The following PANK1 variants were observed in gnomAD, a reference collection of about 807,000 sequenced individuals.
PANK1 encodes the protein pantothenate kinase 1.
Under a neutral mutation model 40.1 loss-of-function variants are expected in PANK1, and 18 were observed. That is an observed-to-expected ratio of 0.45 (90% CI 0.31 to 0.67). PANK1 has a LOEUF of 0.67. Among genes scored for constraint, PANK1 ranks in the 30% least tolerant of loss-of-function variants. The pLI, the probability that PANK1 is intolerant of heterozygous loss-of-function variation, is 0.06. For synonymous variants in PANK1, 242 were observed against 237.7 expected (o/e 1.02, Z -0.17); for missense variants, 457 against 599.6 (o/e 0.76, Z 2.48).
chr10:89,601,581 G>C (rs182214240), intron 2 of PANK1, among the ~76,000 whole-genome samples: 136 of 152,226 alleles, frequency 8.9e-4, no homozygotes, highest in Middle Eastern at 3.4e-3. Flanking sequence ...TTACTCATTT[G>C]AATTTCTTAT....
At chr10:89,613,085 A>T (rs1289127670) in intron 1 of PANK1, among the ~76,000 whole-genome samples, 1 of 152,226 alleles carries the variant, frequency 6.6e-6, no homozygotes, top group Non-Finnish European at 1.5e-5. Context: ...TGAAAAGAGC[A>T]GAGGTGAGCT....
chr10:89,588,935 C>A (rs1013651448), intron 5 of PANK1, among the ~76,000 whole-genome samples, 158 bp from the exon 6 acceptor site: 2 of 152,044 alleles, frequency 1.3e-5, no homozygotes, highest in African/African-American at 4.8e-5. Flanking sequence ...GAAGTTAAAC[C>A]AACCTTATAG....
At chr10:89,626,345 C>T (rs1484149942) in intron 1 of PANK1, 1 of 149,824 alleles carries the variant, frequency 6.7e-6, no homozygotes, top group Non-Finnish European at 1.5e-5. Flanking sequence ...TGCTCTGTCG[C>T]CCAGGCTGGA....
chr10:89,591,321 T>C (rs1262281041), intron 5 of PANK1, among the ~76,000 whole-genome samples: 1 of 152,172 alleles, frequency 6.6e-6, no homozygotes, highest in Non-Finnish European at 1.5e-5. Flanking sequence ...GGTGACTCAC[T>C]TCCTTGTGTA....
rs11389233 is a variant in PANK1, at chr10:89,590,035, GA to G, written c.1201-1259del. ...CAGGTGGGTCAAAGATGTTAAAAAAGAAAAAAAAAAAAAGAAAGAAAGAAAA... is the reference window on the plus strand; with the variant it reads ...CAGGTGGGTCAAAGATGTTAAAAAAGAAAAAAAAAAAAGAAAGAAAGAAAA... On this transcript the variant is annotated intron_variant, in intron 5 of 6. Transcript: ENST00000307534. Among the ~76,000 whole-genome samples the G allele has an allele frequency of 8.9e-3, 893 of 100,346 alleles. 8 individuals carry two copies. The highest frequency in any genetic ancestry group is 0.037 in the Middle Eastern group (7 of 188). The allele number at this position is 100,346 out of a possible 152,430, so 65.8% of individuals were successfully genotyped here.
intron 1 of PANK1, among the ~76,000 whole-genome samples, chr10:89,623,786 A>G (rs1273976585): frequency 6.6e-6 from 1 of 152,168 alleles, no homozygotes; most frequent in Non-Finnish European, 1.5e-5. Context: ...GCAAGCCATC[A>G]AGAATGGCAG....
rs1198182237 is a variant in PANK1, at chr10:89,595,830, AAAAATATATATATATATATATAT to A, written c.900-1864_900-1842del. Among the ~76,000 whole-genome samples the A allele has an allele frequency of 6.1e-3, 404 of 66,568 alleles. 12 individuals carry two copies. Among genetic ancestry groups the A allele is most frequent in the African/African-American group, 0.022 (289 of 13,318 alleles). 43.7% of individuals were successfully genotyped at this position (66,568 alleles called of 152,430 possible). A position where few individuals can be genotyped will look rare whatever the true frequency, so the allele number is the denominator to read the frequency against. On this transcript the variant is annotated intron_variant, in intron 3 of 6. Coordinates refer to ENST00000307534, the MANE Select transcript of PANK1 (RefSeq NM_148977.3). The stretch of plus-strand genomic sequence containing the variant: ...GGACTCCATCTTAAAAAAAAAAAAA[AAAAATATATATATATATATATAT>A]ATATATATATATATATATATAACTT...
At chr10:89,590,731 C>A (rs1324371469) in intron 5 of PANK1, among the ~76,000 whole-genome samples, 1 of 151,806 alleles carries the variant, frequency 6.6e-6, no homozygotes, top group Non-Finnish European at 1.5e-5. Context: ...TGCTATATGG[C>A]CATTAAAAAT....
At chr10:89,621,583 A>G (rs1332126048) in intron 1 of PANK1, among the ~76,000 whole-genome samples, 1 of 152,216 alleles carries the variant, frequency 6.6e-6, no homozygotes, top group Non-Finnish European at 1.5e-5. Flanking sequence ...GCCCATTTTC[A>G]GTTTCATGAA....
chr10:89,637,753 A>G (rs1239126491), intron 1 of PANK1, among the ~76,000 whole-genome samples: 1 of 152,190 alleles, frequency 6.6e-6, no homozygotes, highest in Admixed American at 6.5e-5. Context: ...TTTCTTCAGT[A>G]ATCAATTATA....
chr10:89,643,170 T>C (rs1842015199), intron 1 of PANK1, among the ~76,000 whole-genome samples: 6 of 152,228 alleles, frequency 3.9e-5, no homozygotes, highest in Admixed American at 2.6e-4. Flanking sequence ...CTATTTTCAT[T>C]GCAAACTCTA....
At chr10:89,627,199 C>T (rs1035078090) in intron 1 of PANK1, among the ~76,000 whole-genome samples, 3 of 149,192 alleles carry the variant, frequency 2.0e-5, no homozygotes, top group Non-Finnish European at 3.0e-5. Context: ...GTTCCAATCA[C>T]GGATTGAACC....
Position 89,645,200 on chromosome 10 carries a change from C to T in PANK1, c.-309G>A. On this transcript the variant is annotated 5_prime_UTR_variant, in exon 1 of 7. Transcript: ENST00000307534. ...CCGCCGCCCGCCTTCCCCTGATCCC[C>T]AGGCCGCGCGACTTCAAACGCGGCT... 6.3e-7 allele frequency: 1 copy of T among 1,595,854 alleles called. No homozygotes were observed. The highest frequency in any genetic ancestry group is 8.5e-7 in the Non-Finnish European group (1 of 1,172,454).
intron 1 of PANK1, among the ~76,000 whole-genome samples, chr10:89,636,561 G>C (rs1226129549): frequency 6.6e-6 from 1 of 151,478 alleles, no homozygotes; most frequent in Non-Finnish European, 1.5e-5. Context: ...AAGCGATTCT[G>C]CTGCCTCAGC....
intron 3 of PANK1, among the ~76,000 whole-genome samples, chr10:89,595,834 ATATATATATATATAT>A (rs1371254329): frequency 0.021 from 939 of 44,230 alleles, 33 homozygotes; most frequent in Middle Eastern, 0.051. Context: ...AAAAAAAAAA[ATATATATATATATAT>A]ATATATATAT....
At chr10:89,604,078 A>G (rs1844868207) in intron 2 of PANK1, among the ~76,000 whole-genome samples, 1 of 152,180 alleles carries the variant, frequency 6.6e-6, no homozygotes, top group Admixed American at 6.5e-5. Context: ...AGAAAAGCCA[A>G]TTCTTAAGTC....
At chr10:89,587,728 A>C (rs1287754425) in intron 6 of PANK1, among the ~76,000 whole-genome samples, 1 of 152,236 alleles carries the variant, frequency 6.6e-6, no homozygotes, top group African/African-American at 2.4e-5. Context: ...ATTTTAAGGT[A>C]TAATAAAATG....
intron 1 of PANK1, among the ~76,000 whole-genome samples, chr10:89,616,590 G>A (rs1039383989): frequency 1.3e-5 from 2 of 152,018 alleles, no homozygotes; most frequent in African/African-American, 2.4e-5. Context: ...GTGAATAGTT[G>A]CTGCACTCTG....
At chr10:89,593,083 TA>T in intron 5 of PANK1, 113 bp downstream of exon 5, 1 of 1,059,404 alleles carries the variant, frequency 9.4e-7, no homozygotes. Context: ...GTGACTAGAG[TA>T]AAGGGAAGCT....
Sources: gnomAD v4.1 joint callset for allele counts (sites outside exome capture counted in the v4.1 genomes callset) on GRCh38, gnomAD v4.1.1 for gene constraint, MANE v1.5 for transcripts, NCBI Gene and HGNC (gene_info 2026-07-23, HGNC 2026-07-21) for gene names.